The following XKR6 variants were observed in gnomAD, a reference collection of about 807,000 sequenced individuals.
The protein encoded by XKR6 is XK-related protein 6.
In XKR6, 22 loss-of-function variants were observed where a neutral mutation model predicts 56.7. The ratio of observed to expected loss-of-function variants is 0.39; its 90% CI spans 0.28 to 0.55. XKR6 has a LOEUF of 0.55. Among genes scored for constraint, XKR6 ranks in the 20% least tolerant of loss-of-function variants. The pLI, the probability that XKR6 is intolerant of heterozygous loss-of-function variation, is 0.66. For missense variants in XKR6, 852 were observed against 889.0 expected, an observed-to-expected ratio of 0.96 and a Z score of 0.53; for synonymous variants, 524 against 387.8, an observed-to-expected ratio of 1.35 and a Z score of -4.13.
chr8:11,166,031 C>A (rs1802054235), intron 1 of XKR6, among the ~76,000 whole-genome samples: 1 of 151,282 alleles, frequency 6.6e-6, no homozygotes, highest in Non-Finnish European at 1.5e-5. Context: ...TCTCAGCTCA[C>A]TGCAACCTCC....
intron 1 of XKR6, chr8:11,002,348 G>C (rs572270983): frequency 3.8e-6 from 1 of 263,668 alleles, no homozygotes; most frequent in South Asian, 4.0e-5. Context: ...GGAAAGGCTG[G>C]ACCATGACCT....
chr8:10,956,645 G>A lies in XKR6; in HGVS notation c.765-31815C>T, dbSNP rs1003437962. 4.6e-5 allele frequency among the ~76,000 whole-genome samples: 7 copies of A among 151,766 alleles called. No homozygotes were observed. In the East Asian group the frequency reaches 7.7e-4, roughly 17 times the overall value. On this transcript the variant is annotated intron_variant, in intron 1 of 2. Coordinates refer to ENST00000416569, the MANE Select transcript of XKR6 (RefSeq NM_173683.4). ...CTCATGGGGCTTTCCGAGAGTGCCAGCATCATCATTGCCTTTAGGAGAACA... is the reference window on the plus strand; with the variant it reads ...CTCATGGGGCTTTCCGAGAGTGCCAACATCATCATTGCCTTTAGGAGAACA...
chr8:11,117,384 TGC>T (rs1799232691), intron 1 of XKR6, among the ~76,000 whole-genome samples: 1 of 152,180 alleles, frequency 6.6e-6, no homozygotes, highest in Admixed American at 6.5e-5. Context: ...ACTTCACATA[TGC>T]AGCTTGCACC....
At chr8:10,976,163 A>G (rs1036099858) in intron 1 of XKR6, among the ~76,000 whole-genome samples, 34 of 151,372 alleles carry the variant, frequency 2.2e-4, no homozygotes, top group Middle Eastern at 3.4e-3. Context: ...GTGACAGAGC[A>G]AGACTCCATC....
intron 1 of XKR6, among the ~76,000 whole-genome samples, chr8:10,939,750 C>T (rs142224602): frequency 1.3e-5 from 2 of 152,352 alleles, no homozygotes; most frequent in Admixed American, 1.3e-4. Flanking sequence ...GGGGCCTCGC[C>T]CACCTTCAGG....
chr8:10,911,560 ATC>A (rs1205020792), intron 2 of XKR6, among the ~76,000 whole-genome samples: 3 of 146,554 alleles, frequency 2.0e-5, no homozygotes, highest in African/African-American at 7.5e-5. Context: ...TAGAGAGAAT[ATC>A]TATATATATA....
At chr8:11,137,469 G>A in intron 1 of XKR6, 1 of 432,400 alleles carries the variant, frequency 2.3e-6, no homozygotes, top group South Asian at 1.7e-5. Flanking sequence ...AGCCGACACG[G>A]AAGTCTTATC....
intron 1 of XKR6, among the ~76,000 whole-genome samples, chr8:11,091,476 T>C (rs1005279850): frequency 2.3e-4 from 34 of 150,736 alleles, no homozygotes; most frequent in African/African-American, 7.8e-4. Flanking sequence ...GATAAAAAGA[T>C]AAAGAAAAAA....
chr8:10,971,048 T>C (rs1409274754), intron 1 of XKR6, among the ~76,000 whole-genome samples: 1 of 151,518 alleles, frequency 6.6e-6, no homozygotes, highest in African/African-American at 2.4e-5. Context: ...GAACCTGGCG[T>C]GTCTATTCTT....
chr8:11,164,917 A>G (rs11986093), intron 1 of XKR6, among the ~76,000 whole-genome samples: 16,360 of 152,018 alleles, frequency 0.11, 1,867 homozygotes, highest in African/African-American at 0.29. Flanking sequence ...AGGTCATCCC[A>G]CCTGCCTACC....
intron 1 of XKR6, among the ~76,000 whole-genome samples, chr8:11,090,539 G>T (rs1586531257): frequency 6.6e-6 from 1 of 152,134 alleles, no homozygotes; most frequent in Non-Finnish European, 1.5e-5. Context: ...GCAGCAGTAT[G>T]CATTATTAGT....
intron 1 of XKR6, among the ~76,000 whole-genome samples, chr8:11,033,869 T>C (rs1423188452): frequency 6.6e-6 from 1 of 152,168 alleles, no homozygotes; most frequent in Non-Finnish European, 1.5e-5. Context: ...ATACTAGACA[T>C]GGAGAGCCAC....
chr8:11,009,486 G>T (rs1033164584), intron 1 of XKR6, among the ~76,000 whole-genome samples: 1 of 152,124 alleles, frequency 6.6e-6, no homozygotes, highest in African/African-American at 2.4e-5. Context: ...CTCCAGCCTT[G>T]GTGAGAGAGT....
At chr8:11,146,366 C>T (rs1168434835) in intron 1 of XKR6, among the ~76,000 whole-genome samples, 1 of 152,212 alleles carries the variant, frequency 6.6e-6, no homozygotes, top group Admixed American at 6.5e-5. Flanking sequence ...TGGCTCATGC[C>T]TGTAATCCCA....
intron 1 of XKR6, among the ~76,000 whole-genome samples, chr8:11,149,407 G>A (rs946187574): frequency 2.0e-5 from 3 of 152,112 alleles, no homozygotes; most frequent in African/African-American, 4.8e-5. Context: ...AACCACCGTC[G>A]TATATGTGGT....
intron 1 of XKR6, among the ~76,000 whole-genome samples, chr8:11,125,173 G>C (rs1263304023): frequency 6.6e-6 from 1 of 152,002 alleles, no homozygotes; most frequent in Non-Finnish European, 1.5e-5. Flanking sequence ...GGCCATGAGG[G>C]AGTGCACAGG....
Position 11,128,511 on chromosome 8 carries a change from G to C in XKR6, c.764+72065C>G, listed in dbSNP as rs566603645. On this transcript the variant is annotated intron_variant, in intron 1 of 2. Coordinates refer to ENST00000416569, the MANE Select transcript of XKR6 (RefSeq NM_173683.4). ...AAATGCCTGATCTTCCGAATGACCA[G>C]TTCTAGTAGTACATCTCATTAAGTG... 4.9e-4 allele frequency among the ~76,000 whole-genome samples: 74 copies of C among 152,292 alleles called. No homozygotes were observed. In the South Asian group the frequency reaches 5.8e-3, roughly 12 times the overall value.
chr8:11,088,911 G>A (rs1436107324), intron 1 of XKR6, among the ~76,000 whole-genome samples: 1 of 152,194 alleles, frequency 6.6e-6, no homozygotes, highest in African/African-American at 2.4e-5. Flanking sequence ...TTTGTGGCAG[G>A]GCAAATCAGG....
At chr8:11,115,230 C>G (rs11250117) in intron 1 of XKR6, among the ~76,000 whole-genome samples, 1 of 152,028 alleles carries the variant, frequency 6.6e-6, no homozygotes, top group Non-Finnish European at 1.5e-5. Flanking sequence ...TATGAAGCTT[C>G]TGTTTTCAAA....
Sources: gnomAD v4.1 joint callset for allele counts (sites outside exome capture counted in the v4.1 genomes callset) on GRCh38, gnomAD v4.1.1 for gene constraint, MANE v1.5 for transcripts, NCBI Gene and HGNC (gene_info 2026-07-23, HGNC 2026-07-21) for gene names.